The following PARD3B variants were observed in gnomAD, a reference collection of about 807,000 sequenced individuals.
The protein encoded by PARD3B is partitioning defective 3 homolog B.
Under a neutral mutation model 130.2 loss-of-function variants are expected in PARD3B, and 103 were observed. The ratio of observed to expected loss-of-function variants is 0.79; its 90% CI spans 0.67 to 0.93. The LOEUF is 0.93. PARD3B is among the 40% of genes least tolerant of loss of function. The pLI, the probability that PARD3B is intolerant of heterozygous loss-of-function variation, is 0.00. For missense variants in PARD3B, 1,609 were observed against 1,499.2 expected (o/e 1.07, Z -1.21); for synonymous variants, 583 against 553.2 (o/e 1.05, Z -0.76).
At chr2:205,396,806 T>C (rs1006810820) in intron 18 of PARD3B, among the ~76,000 whole-genome samples, 1 of 152,206 alleles carries the variant, frequency 6.6e-6, no homozygotes, top group Non-Finnish European at 1.5e-5. Flanking sequence ...GCAGTGCATA[T>C]TTGAAACTCT....
chr2:205,389,348 G>GTAT (rs1472495974), intron 18 of PARD3B, among the ~76,000 whole-genome samples: 1 of 152,010 alleles, frequency 6.6e-6, no homozygotes, highest in African/African-American at 2.4e-5. Flanking sequence ...ACAAATGGAG[G>GTAT]TATTATTATT....
At chr2:204,730,093 G>C (rs996255918) in intron 2 of PARD3B, among the ~76,000 whole-genome samples, 1 of 149,216 alleles carries the variant, frequency 6.7e-6, no homozygotes, top group African/African-American at 2.5e-5. Context: ...TTTTTGAGAC[G>C]GACAGAGTTT....
chr2:205,604,533 G>A (rs909497286), intron 22 of PARD3B, among the ~76,000 whole-genome samples: 3 of 152,136 alleles, frequency 2.0e-5, no homozygotes, highest in African/African-American at 4.8e-5. Flanking sequence ...TTTGGGTGGG[G>A]ACACAGCCAA....
At chr2:205,490,355 C>G (rs1488840538) in intron 20 of PARD3B, among the ~76,000 whole-genome samples, 2 of 151,472 alleles carry the variant, frequency 1.3e-5, no homozygotes, top group Admixed American at 1.3e-4. Flanking sequence ...TGAGCGAGAA[C>G]GTGCGGTGTT....
At chr2:204,691,340 A>G (rs1293123367) in intron 2 of PARD3B, among the ~76,000 whole-genome samples, 1 of 152,136 alleles carries the variant, frequency 6.6e-6, no homozygotes, top group Non-Finnish European at 1.5e-5. Context: ...TGTATTATGT[A>G]GTAAAGTAAC....
At chr2:205,025,871 T>C (rs906294565) in intron 3 of PARD3B, among the ~76,000 whole-genome samples, 3 of 152,220 alleles carry the variant, frequency 2.0e-5, no homozygotes, top group Non-Finnish European at 2.9e-5. Context: ...CCTGTATTTC[T>C]GATTTGTCCA....
At chr2:205,090,438 A>G (rs1323468911) in intron 4 of PARD3B, among the ~76,000 whole-genome samples, 2 of 152,216 alleles carry the variant, frequency 1.3e-5, no homozygotes, top group Non-Finnish European at 2.9e-5. Context: ...TATTAAAAGT[A>G]CAGTTCAGGA....
intron 3 of PARD3B, among the ~76,000 whole-genome samples, chr2:205,008,881 A>G (rs1277328093): frequency 6.6e-6 from 1 of 152,234 alleles, no homozygotes; most frequent in Non-Finnish European, 1.5e-5. Context: ...AGTAGCCTAC[A>G]CAGATAAGTT....
At chr2:205,587,034 C>G (rs527439624) in intron 22 of PARD3B, among the ~76,000 whole-genome samples, 1 of 152,300 alleles carries the variant, frequency 6.6e-6, no homozygotes, top group East Asian at 1.9e-4. Flanking sequence ...CACTTTCATC[C>G]TTTGGCCTTA....
In PARD3B at chr2:205,532,645, A is replaced by C. The variant is rs115849576; in HGVS notation, c.3181-20679A>C. On this transcript the variant is annotated intron_variant, in intron 21 of 22. Transcript: ENST00000406610. Reference sequence around the variant, plus strand: ...ATTTGGTTGCCACTCTCATTCCACAAAGCTACATATTAATTCACACCATCC... The same window carrying C: ...ATTTGGTTGCCACTCTCATTCCACACAGCTACATATTAATTCACACCATCC... 6.8e-3 allele frequency among the ~76,000 whole-genome samples: 1,031 copies of C among 152,272 alleles called. 10 individuals carry two copies. Among genetic ancestry groups the C allele is most frequent in the African/African-American group, 0.024 (989 of 41,562 alleles).
chr2:205,039,466 T>TTTTA (rs1698242753), intron 3 of PARD3B, among the ~76,000 whole-genome samples: 1 of 151,238 alleles, frequency 6.6e-6, no homozygotes, highest in South Asian at 2.1e-4. Context: ...GTTTATTTTA[T>TTTTA]TTTATTTATT....
intron 2 of PARD3B, among the ~76,000 whole-genome samples, chr2:204,838,905 C>T (rs1054575988): frequency 1.3e-5 from 2 of 152,076 alleles, no homozygotes; most frequent in Non-Finnish European, 2.9e-5. Flanking sequence ...TTGAAAGGGC[C>T]TAACCTGGCT....
rs148933341 is a variant in PARD3B at position 204,759,384 on chromosome 2, A to G, written c.222+73102A>G. On this transcript the variant is annotated intron_variant, in intron 2 of 22. Coordinates refer to ENST00000406610, the MANE Select transcript of PARD3B (RefSeq NM_001302769.2). ...ACAGTTTCATTCCATGGAGGAAACT[A>G]TTAGTGCTTGTTTGTGTATTCCTCC... Among the ~76,000 whole-genome samples, 63 of 152,238 alleles carry G rather than the reference A, an allele frequency of 4.1e-4. No individual in the cohort carries two copies. In the East Asian group the frequency reaches 9.8e-3, roughly 24 times the overall value.
intron 1 of PARD3B, among the ~76,000 whole-genome samples, chr2:204,654,553 C>CA (rs1409494250): frequency 6.6e-6 from 1 of 152,082 alleles, no homozygotes; most frequent in Non-Finnish European, 1.5e-5. Context: ...ATAGGAAGTT[C>CA]TCATGCCATG....
At chr2:204,900,263 G>T (rs953616785) in intron 2 of PARD3B, among the ~76,000 whole-genome samples, 1 of 151,496 alleles carries the variant, frequency 6.6e-6, no homozygotes, top group Admixed American at 6.6e-5. Context: ...CCCTTTTGAG[G>T]GTATTTTCTA....
At chr2:204,568,187 G>A (rs1190401986) in intron 1 of PARD3B, among the ~76,000 whole-genome samples, 1 of 152,186 alleles carries the variant, frequency 6.6e-6, no homozygotes, top group Non-Finnish European at 1.5e-5. Flanking sequence ...AGAACTGCTT[G>A]ATGAAATATA....
intron 1 of PARD3B, among the ~76,000 whole-genome samples, chr2:204,672,496 T>A (rs937533807): frequency 4.6e-5 from 7 of 152,226 alleles, no homozygotes; most frequent in African/African-American, 1.7e-4. Flanking sequence ...GATACTTTTA[T>A]AAAATACAAA....
At chr2:204,856,883 C>T (rs533694832) in intron 2 of PARD3B, among the ~76,000 whole-genome samples, 334 of 152,060 alleles carry the variant, frequency 2.2e-3, no homozygotes, top group Non-Finnish European at 3.7e-3. Context: ...CATTGGTTGA[C>T]GTGTCTGTTT....
At position 205,457,110 on chromosome 2, in the gene PARD3B, T is replaced by C. The variant is rs1365395639; in HGVS notation, c.3044+16438T>C. On this transcript the variant is annotated intron_variant, in intron 20 of 22. Coordinates refer to ENST00000406610, the MANE Select transcript of PARD3B (RefSeq NM_001302769.2). ...TTGTTAGAATTTTCCAGTGAAATCA[T>C]CTGGGCCTGGAGAGTTCTTTTTTAT... Among the ~76,000 whole-genome samples the C allele has an allele frequency of 2.0e-5, 3 of 152,016 alleles. No homozygotes were observed. In the East Asian group the frequency reaches 5.8e-4, roughly 29 times the overall value.
Sources: gnomAD v4.1 joint callset for allele counts (sites outside exome capture counted in the v4.1 genomes callset) on GRCh38, gnomAD v4.1.1 for gene constraint, MANE v1.5 for transcripts, NCBI Gene and HGNC (gene_info 2026-07-23, HGNC 2026-07-21) for gene names.